The following PDZRN4 variants were observed in gnomAD, a reference collection of about 807,000 sequenced individuals.
PDZRN4 encodes PDZ domain-containing RING finger protein 4.
Under a neutral mutation model 99.0 loss-of-function variants are expected in PDZRN4, and 70 were observed. The observed-to-expected ratio is 0.71, with a 90% CI of 0.58 to 0.86. The LOEUF (loss-of-function observed/expected upper bound fraction) is 0.86, where lower values mean the gene tolerates loss of function less well. Among genes scored for constraint, PDZRN4 ranks in the 40% least tolerant of loss-of-function variants. PDZRN4 has a pLI of 0.00. For missense variants in PDZRN4, 1,474 were observed against 1,331.2 expected (o/e 1.11, Z -1.67); for synonymous variants, 551 against 501.6 (o/e 1.10, Z -1.32).
At chr12:41,263,606 G>T (rs1227297151) in intron 3 of PDZRN4, among the ~76,000 whole-genome samples, 1 of 152,170 alleles carries the variant, frequency 6.6e-6, no homozygotes, top group East Asian at 1.9e-4. Context: ...AAAATCATTT[G>T]AACCTGGGAG....
At chr12:41,338,263 A>C (rs1189636626) in intron 3 of PDZRN4, among the ~76,000 whole-genome samples, 1 of 152,134 alleles carries the variant, frequency 6.6e-6, no homozygotes, top group Non-Finnish European at 1.5e-5. Context: ...CTGAAAGTAC[A>C]ATTAATTAAT....
intron 3 of PDZRN4, among the ~76,000 whole-genome samples, chr12:41,214,252 T>TAAAAAAAAAAA (rs60618442): frequency 3.5e-5 from 3 of 84,780 alleles, no homozygotes; most frequent in African/African-American, 1.4e-4. Flanking sequence ...ACCCTGTATT[T>TAAAAAAAAAAA]AAAAAAAAAA....
chr12:41,238,026 C>T (rs181297505), intron 3 of PDZRN4, among the ~76,000 whole-genome samples: 9 of 152,000 alleles, frequency 5.9e-5, no homozygotes, highest in East Asian at 5.8e-4. Flanking sequence ...GGTAGTTTAA[C>T]GGGAATAACA....
chr12:41,257,750 C>T (rs1011147017), intron 3 of PDZRN4, among the ~76,000 whole-genome samples: 3 of 152,102 alleles, frequency 2.0e-5, no homozygotes, highest in Non-Finnish European at 2.9e-5. Context: ...CACTATTGCT[C>T]TAGTTGGAGG....
chr12:41,568,478 G>C (rs183952448), intron 9 of PDZRN4, among the ~76,000 whole-genome samples: 30 of 152,228 alleles, frequency 2.0e-4, no homozygotes, highest in Admixed American at 1.7e-3. Flanking sequence ...AGCATAGTTT[G>C]AGATTATTAA....
chr12:41,437,658 T>C (rs2120457315), intron 3 of PDZRN4: 1 of 878,866 alleles, frequency 1.1e-6, no homozygotes, highest in South Asian at 2.5e-5. Flanking sequence ...CTGGAATCTG[T>C]GTAGTCATGT....
At chr12:41,468,939 G>A (rs1952958241) in intron 3 of PDZRN4, among the ~76,000 whole-genome samples, 2 of 151,928 alleles carry the variant, frequency 1.3e-5, no homozygotes, top group Non-Finnish European at 2.9e-5. Flanking sequence ...AACCCAGTAG[G>A]TGGAAGTTGC....
intron 3 of PDZRN4, among the ~76,000 whole-genome samples, chr12:41,206,901 A>G (rs1950854742): frequency 6.6e-6 from 1 of 151,900 alleles, no homozygotes; most frequent in South Asian, 2.1e-4. Context: ...CTCAATTTTT[A>G]ATGTTACTCT....
intron 3 of PDZRN4, among the ~76,000 whole-genome samples, chr12:41,228,463 A>G (rs1439957208): frequency 6.6e-6 from 1 of 152,074 alleles, no homozygotes; most frequent in Non-Finnish European, 1.5e-5. Flanking sequence ...TGTCTATTTA[A>G]CTTGGATATA....
intron 3 of PDZRN4, among the ~76,000 whole-genome samples, chr12:41,258,611 C>CA (rs1228525427): frequency 2.6e-5 from 4 of 152,000 alleles, no homozygotes; most frequent in African/African-American, 9.7e-5. Context: ...AATTAAGTAC[C>CA]AAAAACGTGA....
At chr12:41,475,872 C>T (rs1347958427) in intron 3 of PDZRN4, among the ~76,000 whole-genome samples, 1 of 152,076 alleles carries the variant, frequency 6.6e-6, no homozygotes, top group African/African-American at 2.4e-5. Flanking sequence ...TTTTGACCTC[C>T]GGGAGTAAAT....
chr12:41,341,887 G>T (rs1006313128), intron 3 of PDZRN4, among the ~76,000 whole-genome samples: 1 of 151,766 alleles, frequency 6.6e-6, no homozygotes, highest in African/African-American at 2.4e-5. Context: ...ACCCTGAACA[G>T]CCAAAGCAAT....
At chr12:41,528,169 C>T (rs1218941998) in intron 5 of PDZRN4, among the ~76,000 whole-genome samples, 3 of 150,986 alleles carry the variant, frequency 2.0e-5, no homozygotes, top group Non-Finnish European at 4.4e-5. Context: ...AATAAGGAGC[C>T]GTTTTTGGGG....
chr12:41,557,171 A>G (rs1436161118), intron 7 of PDZRN4, among the ~76,000 whole-genome samples: 1 of 148,860 alleles, frequency 6.7e-6, no homozygotes, highest in East Asian at 2.0e-4. Context: ...AAAAAAAAAA[A>G]AAGAATGGCT....
chr12:41,194,255 T>A lies in PDZRN4; in HGVS notation c.843+67T>A, dbSNP rs912670487. The A allele has an allele frequency of 5.3e-6, 4 of 760,726 alleles. No homozygotes were observed. The African/African-American group carries it at 6.9e-5, about 13-fold the overall frequency. The allele number at this position is 760,726 out of a possible 1,614,324, so 47.1% of individuals were successfully genotyped here. ...GATTGGGATATTTTAAGTTTTCAAATTTACCACTTTACCTTGGTGTGGTGC... is the reference window on the plus strand; with the variant it reads ...GATTGGGATATTTTAAGTTTTCAAAATTACCACTTTACCTTGGTGTGGTGC... On this transcript the variant is annotated intron_variant, in intron 3 of 9. Transcript: ENST00000402685.
chr12:41,560,639 G>T lies in PDZRN4; in HGVS notation c.1366-2909G>T, dbSNP rs564190654. ...TACTCATCTGTCTCCCTCCCTTATT[G>T]CTGGGTCCTCCACTTCCATGTCTGC... On this transcript the variant is annotated intron_variant, in intron 7 of 9. Coordinates refer to ENST00000402685, the MANE Select transcript of PDZRN4 (RefSeq NM_001164595.2). Among the ~76,000 whole-genome samples, 4 of 152,214 alleles carry T rather than the reference G, an allele frequency of 2.6e-5. No individual in the cohort carries two copies. In the East Asian group the frequency reaches 7.7e-4, roughly 29 times the overall value.
At chr12:41,452,195 T>TGAGGCA (rs1447420247) in intron 3 of PDZRN4, among the ~76,000 whole-genome samples, 1 of 151,170 alleles carries the variant, frequency 6.6e-6, no homozygotes, top group Non-Finnish European at 1.5e-5. Flanking sequence ...TTTGGGAGGC[T>TGAGGCA]GAGGCAGGCG....
chr12:41,560,711 G>A (rs908502071), intron 7 of PDZRN4, among the ~76,000 whole-genome samples: 17 of 152,216 alleles, frequency 1.1e-4, no homozygotes, highest in African/African-American at 4.1e-4. Context: ...AAACAATCCT[G>A]TAACTGTAAA....
At chr12:41,462,622 A>G (rs1038922565) in intron 3 of PDZRN4, among the ~76,000 whole-genome samples, 3 of 152,214 alleles carry the variant, frequency 2.0e-5, no homozygotes, top group African/African-American at 7.2e-5. Flanking sequence ...AATCTTTTCT[A>G]GCCAACCTCT....
Sources: allele counts gnomAD v4.1 joint callset (sites outside exome capture counted in the v4.1 genomes callset), GRCh38; gene constraint gnomAD v4.1.1; transcripts MANE v1.5; gene names NCBI Gene and HGNC (gene_info 2026-07-23, HGNC 2026-07-21).